EXOC4: variants seen among roughly 807,000 people sequenced by gnomAD.
EXOC4 encodes exocyst complex component 4, also known as SEC8-like 1.
A neutral mutation model predicts 107.2 loss-of-function variants in EXOC4; 71 were observed. The ratio of observed to expected loss-of-function variants is 0.66; its 90% CI spans 0.55 to 0.81. The LOEUF (loss-of-function observed/expected upper bound fraction) is 0.81, where lower values mean the gene tolerates loss of function less well. EXOC4 is among the 30% of genes least tolerant of loss of function. EXOC4 has a pLI of 0.00. For missense variants in EXOC4, 1,108 were observed against 1,189.6 expected (o/e 0.93, Z 1.01); for synonymous variants, 456 against 441.2 (o/e 1.03, Z -0.42).
intron 7 of EXOC4, among the ~76,000 whole-genome samples, chr7:133,469,199 C>T (rs1798809912): frequency 6.6e-6 from 1 of 152,022 alleles, no homozygotes; most frequent in Non-Finnish European, 1.5e-5. Flanking sequence ...AGGTGGATCA[C>T]GAGGTCAGGA....
intron 10 of EXOC4, among the ~76,000 whole-genome samples, chr7:133,752,843 A>G (rs1046121572): frequency 5.3e-5 from 8 of 152,216 alleles, no homozygotes; most frequent in Non-Finnish European, 1.2e-4. Flanking sequence ...TGCTGCCCTT[A>G]GCAAAGCTTG....
intron 11 of EXOC4, among the ~76,000 whole-genome samples, chr7:133,821,590 A>G (rs1390123676): frequency 6.6e-6 from 1 of 152,134 alleles, no homozygotes; most frequent in African/African-American, 2.4e-5. Context: ...CTAGCAATTC[A>G]TTTTTATGTT....
chr7:133,338,748 CTTTTTTTTTTT>C (rs67620822), intron 5 of EXOC4, among the ~76,000 whole-genome samples: 2 of 87,066 alleles, frequency 2.3e-5, no homozygotes, highest in African/African-American at 3.9e-5. Context: ...ATGGTGTAGT[CTTTTTTTTTTT>C]TTTTTTTTTT....
chr7:133,868,634 G>A (rs1798690999), intron 11 of EXOC4, among the ~76,000 whole-genome samples: 1 of 152,152 alleles, frequency 6.6e-6, no homozygotes, highest in African/African-American at 2.4e-5. Flanking sequence ...ACCTGGGGCT[G>A]TCGGGAATTC....
At chr7:133,621,237 G>A (rs1802322306) in intron 9 of EXOC4, among the ~76,000 whole-genome samples, 1 of 152,032 alleles carries the variant, frequency 6.6e-6, no homozygotes, top group African/African-American at 2.4e-5. Flanking sequence ...TTAATTTATT[G>A]TAAGGAGATA....
At chr7:134,014,763 A>G (rs905338079) in intron 17 of EXOC4, among the ~76,000 whole-genome samples, 2 of 152,078 alleles carry the variant, frequency 1.3e-5, no homozygotes, top group Non-Finnish European at 2.9e-5. Context: ...TGAAAATTAT[A>G]TGGTATATGA....
At chr7:133,529,143 T>C (rs1016804677) in intron 9 of EXOC4, among the ~76,000 whole-genome samples, 1 of 152,206 alleles carries the variant, frequency 6.6e-6, no homozygotes, top group Non-Finnish European at 1.5e-5. Context: ...TTGGCCCCAT[T>C]GCCACTTTGA....
chr7:134,046,972 C>G (rs1483471507), intron 17 of EXOC4, among the ~76,000 whole-genome samples: 2 of 152,240 alleles, frequency 1.3e-5, no homozygotes, highest in Non-Finnish European at 2.9e-5. Flanking sequence ...CCCCTGCACA[C>G]TGGATGCTGG....
At chr7:133,427,571 A>G (rs1160503917) in intron 7 of EXOC4, among the ~76,000 whole-genome samples, 2 of 152,164 alleles carry the variant, frequency 1.3e-5, no homozygotes, top group African/African-American at 4.8e-5. Context: ...TTTATCAGCT[A>G]CTCTGCACCC....
chr7:134,082,420 C>T, the EXOC4 span, among the ~76,000 whole-genome samples: 1 of 152,254 alleles, frequency 6.6e-6, no homozygotes, highest in African/African-American at 2.4e-5. Context: ...TAGCCAGCTT[C>T]TTTACTGCAA....
intron 10 of EXOC4, among the ~76,000 whole-genome samples, chr7:133,795,485 A>T (rs1327846359): frequency 3.9e-5 from 6 of 152,166 alleles, no homozygotes; most frequent in Non-Finnish European, 1.5e-5. Context: ...AGCATCCCAT[A>T]CTGAATCATG....
At chr7:133,515,042 TAAC>T (rs1225877138) in intron 9 of EXOC4, among the ~76,000 whole-genome samples, 1 of 152,132 alleles carries the variant, frequency 6.6e-6, no homozygotes, top group South Asian at 2.1e-4. Context: ...AATGTCAAAA[TAAC>T]AATTTTTTAG....
chr7:133,648,968 G>A (rs1241712087), intron 10 of EXOC4, among the ~76,000 whole-genome samples: 2 of 152,256 alleles, frequency 1.3e-5, no homozygotes, highest in East Asian at 3.9e-4. Flanking sequence ...AGAGATGAAA[G>A]GGATTAATTT....
intron 1 of EXOC4, among the ~76,000 whole-genome samples, chr7:133,265,869 T>A (rs1261104625): frequency 6.6e-6 from 1 of 152,216 alleles, no homozygotes; most frequent in African/African-American, 2.4e-5. Flanking sequence ...TTAATTAGTT[T>A]AGTTATCTGG....
At chr7:133,962,032 G>C (rs1412783565) in intron 14 of EXOC4, among the ~76,000 whole-genome samples, 2 of 152,180 alleles carry the variant, frequency 1.3e-5, no homozygotes, top group Non-Finnish European at 2.9e-5. Flanking sequence ...TCAAACTCCA[G>C]TGCCCACGCA....
chr7:133,641,172 C>A (rs1299372472), intron 10 of EXOC4, among the ~76,000 whole-genome samples: 4 of 152,144 alleles, frequency 2.6e-5, no homozygotes, highest in African/African-American at 7.2e-5. Context: ...TTGAGAGACC[C>A]TAACATAGTT....
chr7:133,710,532 C>T (rs371201216), intron 10 of EXOC4, among the ~76,000 whole-genome samples: 262 of 149,886 alleles, frequency 1.7e-3, no homozygotes, highest in African/African-American at 6.1e-3. Flanking sequence ...TAGTGGCGGG[C>T]GCCTGTAGTC....
rs577553919 is a variant in EXOC4 at position 133,564,808 on chromosome 7, A to T, written c.1418-65237A>T. Among the ~76,000 whole-genome samples the T allele has an allele frequency of 9.5e-4, 145 of 152,282 alleles. 1 individual carries two copies. Among genetic ancestry groups the T allele is most frequent in the African/African-American group, 3.1e-3 (130 of 41,538 alleles). The stretch of plus-strand genomic sequence containing the variant: ...AGGAGACATCTTAATTCTACTCTTA[A>T]TGAGTGGAAATATTTTCTAACCTGG... On this transcript the variant is annotated intron_variant, in intron 9 of 17. Transcript: ENST00000253861.
At chr7:133,666,396 T>G (rs137873627) in intron 10 of EXOC4, among the ~76,000 whole-genome samples, 44 of 152,248 alleles carry the variant, frequency 2.9e-4, no homozygotes, top group South Asian at 1.2e-3. Context: ...GTGACTGGTG[T>G]ACAGATTGAT....
Sources: gnomAD v4.1 joint callset for allele counts (sites outside exome capture counted in the v4.1 genomes callset) on GRCh38, gnomAD v4.1.1 for gene constraint, MANE v1.5 for transcripts, NCBI Gene and HGNC (gene_info 2026-07-23, HGNC 2026-07-21) for gene names.